The following TMPRSS15 variants were observed in gnomAD, a reference collection of about 807,000 sequenced individuals.
TMPRSS15 encodes enteropeptidase.
TMPRSS15 carries 128 observed loss-of-function variants against 125.3 expected under a neutral mutation model. The ratio of observed to expected loss-of-function variants is 1.02; its 90% CI spans 0.89 to 1.18. The LOEUF (loss-of-function observed/expected upper bound fraction) is 1.18. Among genes scored for constraint, TMPRSS15 ranks in the 50% most tolerant of loss-of-function variants. The pLI is 0.00. For missense variants in TMPRSS15, 1,283 were observed against 1,212.7 expected (o/e 1.06, Z -0.86); for synonymous variants, 446 against 423.2 (o/e 1.05, Z -0.66).
intron 18 of TMPRSS15, among the ~76,000 whole-genome samples, chr21:18,311,711 T>C (rs146136672): frequency 1.3e-5 from 2 of 152,298 alleles, no homozygotes; most frequent in African/African-American, 4.8e-5. Flanking sequence ...AGAACTACCA[T>C]ATAATCCAGC....
At chr21:18,287,503 C>G (rs2074779540) in intron 21 of TMPRSS15, among the ~76,000 whole-genome samples, 1 of 152,016 alleles carries the variant, frequency 6.6e-6, no homozygotes, top group South Asian at 2.1e-4. Flanking sequence ...AAAGGTGGCT[C>G]AACAATGTGA....
chr21:18,461,019 G>A (rs1469391089), intron 1 of TMPRSS15, among the ~76,000 whole-genome samples: 2 of 151,960 alleles, frequency 1.3e-5, no homozygotes, highest in Admixed American at 1.3e-4. Flanking sequence ...GGTTTTCCTT[G>A]AATGAACATA....
chr21:18,325,846 A>T (rs2075283262), intron 16 of TMPRSS15, among the ~76,000 whole-genome samples: 1 of 151,924 alleles, frequency 6.6e-6, no homozygotes, highest in African/African-American at 2.4e-5. Flanking sequence ...ATACACACAC[A>T]TATATACATA....
At chr21:18,421,013 C>T (rs1233777861) in intron 1 of TMPRSS15, among the ~76,000 whole-genome samples, 8 of 152,072 alleles carry the variant, frequency 5.3e-5, no homozygotes, top group Non-Finnish European at 1.5e-5. Context: ...CTTATATGTA[C>T]ACTACATTTC....
chr21:18,479,543 AAAAC>A (rs1383900101), intron 1 of TMPRSS15, among the ~76,000 whole-genome samples: 1 of 151,988 alleles, frequency 6.6e-6, no homozygotes, highest in Non-Finnish European at 1.5e-5. Context: ...TATTTACAAG[AAAAC>A]AAACAAACAA....
At chr21:18,420,679 C>T (rs891494658) in intron 1 of TMPRSS15, among the ~76,000 whole-genome samples, 11 of 152,148 alleles carry the variant, frequency 7.2e-5, no homozygotes, top group East Asian at 3.9e-4. Context: ...TGTTAAGTTC[C>T]GTTAAGAGAG....
chr21:18,329,158 T>C lies in TMPRSS15; in HGVS notation c.1780+11A>G. On this transcript the variant is annotated intron_variant, in intron 15 of 24. Coordinates refer to ENST00000284885, the MANE Select transcript of TMPRSS15 (RefSeq NM_002772.3). The stretch of plus-strand genomic sequence containing the variant: ...TTTACAACCTTTACAATATTCAGAT[T>C]GCAGACTTACCTAAGAGCAAGGAAT... The C allele has an allele frequency of 6.2e-7, 1 of 1,612,182 alleles. No individual in the cohort carries two copies. Among genetic ancestry groups the C allele is most frequent in the Admixed American group, 1.7e-5 (1 of 59,992 alleles).
chr21:18,450,486 C>T (rs1335746596), intron 1 of TMPRSS15, among the ~76,000 whole-genome samples: 1 of 152,122 alleles, frequency 6.6e-6, no homozygotes, highest in Non-Finnish European at 1.5e-5. Context: ...TATACCATCC[C>T]TTGACAATGG....
chr21:18,317,293 C>T (rs2075177085), intron 16 of TMPRSS15, among the ~76,000 whole-genome samples: 1 of 151,614 alleles, frequency 6.6e-6, no homozygotes, highest in East Asian at 1.9e-4. Flanking sequence ...GAGAGGGACT[C>T]AGTATAGCCA....
At chr21:18,357,914 C>T (rs2075641424) in intron 8 of TMPRSS15, among the ~76,000 whole-genome samples, 1 of 151,618 alleles carries the variant, frequency 6.6e-6, no homozygotes, top group African/African-American at 2.4e-5. Context: ...ACCCAATACA[C>T]TTTCTCACAT....
At chr21:18,304,734 G>C (rs4557074) in intron 18 of TMPRSS15, among the ~76,000 whole-genome samples, 1,822 of 152,124 alleles carry the variant, frequency 0.012, 30 homozygotes, top group African/African-American at 0.04. Context: ...AGCCACCAGT[G>C]TATCTTATTA....
chr21:18,312,794 G>C (rs1280961515), intron 18 of TMPRSS15, 151 bp downstream of exon 18: 2 of 959,740 alleles, frequency 2.1e-6, no homozygotes, highest in Non-Finnish European at 1.5e-6. Context: ...TTGAAAATGG[G>C]GTTAATCAAG....
In TMPRSS15 at chr21:18,341,564, G is replaced by T. The variant is rs762891954; in HGVS notation, c.1429-16C>A. The T allele has an allele frequency of 6.2e-7, 1 of 1,613,594 alleles. No homozygotes were observed. The highest frequency in any genetic ancestry group is 8.5e-7 in the Non-Finnish European group (1 of 1,179,670). The stretch of plus-strand genomic sequence containing the variant: ...TAAAAGCAACCTGCAATTCAGAGAG[G>T]CATATGAAACGATTTGATTCCATTC... On this transcript the variant is annotated splice_polypyrimidine_tract_variant and intron_variant, in intron 12 of 24. Transcript: ENST00000284885.
Position 18,425,314 on chromosome 21 carries a change from T to G in TMPRSS15, c.11-26985A>C, listed in dbSNP as rs535815294. On this transcript the variant is annotated intron_variant, in intron 1 of 7. Transcript: ENST00000422787. The stretch of plus-strand genomic sequence containing the variant: ...TCCACAGTCAAATTTGAATTTAAAA[T>G]TATGGATGGTAGATTGTCAAATCTT... Among the ~76,000 whole-genome samples, 303 of 152,250 alleles carry G rather than the reference T, an allele frequency of 2.0e-3. 2 individuals carry two copies. The highest frequency in any genetic ancestry group is 3.5e-3 in the Non-Finnish European group (241 of 67,968).
chr21:18,379,871 A>G (rs1047293697), intron 4 of TMPRSS15, among the ~76,000 whole-genome samples: 5 of 152,122 alleles, frequency 3.3e-5, no homozygotes, highest in Non-Finnish European at 5.9e-5. Flanking sequence ...AAAATATAGT[A>G]CCTGGCTAAA....
intron 1 of TMPRSS15, among the ~76,000 whole-genome samples, chr21:18,443,670 C>T (rs1817473344): frequency 6.6e-6 from 1 of 152,212 alleles, no homozygotes; most frequent in Admixed American, 6.5e-5. Flanking sequence ...CCTCACCTTG[C>T]TAGACAAGGC....
At chr21:18,319,542 C>A (rs1302292454) in intron 16 of TMPRSS15, among the ~76,000 whole-genome samples, 1 of 151,376 alleles carries the variant, frequency 6.6e-6, no homozygotes, top group Admixed American at 6.6e-5. Flanking sequence ...GATTCTCCTG[C>A]CTCAGCCTCC....
chr21:18,390,542 T>A (rs1340783468), intron 3 of TMPRSS15, among the ~76,000 whole-genome samples: 2 of 152,198 alleles, frequency 1.3e-5, no homozygotes, highest in African/African-American at 4.8e-5. Context: ...TTCTCTGCCC[T>A]AAGAGAGCTC....
At chr21:18,289,365 A>C (rs2074805692) in intron 21 of TMPRSS15, among the ~76,000 whole-genome samples, 1 of 152,136 alleles carries the variant, frequency 6.6e-6, no homozygotes, top group African/African-American at 2.4e-5. Flanking sequence ...ATGCAAAAGT[A>C]GCCGGGTGTG....
Sources: allele counts gnomAD v4.1 joint callset (sites outside exome capture counted in the v4.1 genomes callset), GRCh38; gene constraint gnomAD v4.1.1; transcripts MANE v1.5; gene names NCBI Gene and HGNC (gene_info 2026-07-23, HGNC 2026-07-21).